Variants in TMCO5A observed in about 807,000 individuals in gnomAD.
The protein encoded by TMCO5A is transmembrane and coiled-coil domains 5A.
A neutral mutation model predicts 42.3 loss-of-function variants in TMCO5A; 34 were observed. That is an observed-to-expected ratio of 0.80 (90% CI 0.61 to 1.07). The LOEUF is 1.07. Ranked by LOEUF, TMCO5A falls within the 50% of genes least tolerant of loss-of-function variation. The pLI is 0.00. For synonymous variants in TMCO5A, 131 were observed against 115.6 expected (o/e 1.13, Z -0.86); for missense variants, 357 against 327.9 (o/e 1.09, Z -0.69).
At chr15:37,955,742 G>A (rs969051556), downstream of TMCO5A, among the ~76,000 whole-genome samples, 4 of 152,080 alleles carry the variant, frequency 2.6e-5, no homozygotes, top group African/African-American at 9.7e-5. Flanking sequence ...GGACCAAGCA[G>A]ATCTAATAGA....
At chr15:37,998,510 G>A in the TMCO5A span, among the ~76,000 whole-genome samples, 1 of 152,110 alleles carries the variant, frequency 6.6e-6, no homozygotes, top group South Asian at 2.1e-4. Flanking sequence ...GTTCACTGTA[G>A]AGGTATGGAT....
rs1011233881 is a variant in TMCO5A, at chr15:37,943,487, C to A, written c.627+89C>A. On this transcript the variant is annotated intron_variant, in intron 10 of 11. Transcript: ENST00000319669. ...AAACTATAAGGCACCAAATATATAC[C>A]CAATCTTGCCATGCGCATTTTCCAA... is the stretch of plus-strand genomic sequence containing the variant. 4 of 1,272,624 alleles carry A rather than the reference C, an allele frequency of 3.1e-6. No homozygotes were observed. In the African/African-American group the frequency reaches 6.0e-5, roughly 19 times the overall value. 78.8% of individuals were successfully genotyped at this position (1,272,624 alleles called of 1,614,324 possible).
chr15:37,946,643 C>A (rs1366247465), intron 10 of TMCO5A, among the ~76,000 whole-genome samples: 1 of 152,002 alleles, frequency 6.6e-6, no homozygotes, highest in African/African-American at 2.4e-5. Context: ...GGAGTTCATT[C>A]ATGATTTGGC....
At chr15:37,938,122 C>G in intron 5 of TMCO5A, 36 bp from the exon 6 acceptor site, 1 of 1,527,196 alleles carries the variant, frequency 6.5e-7, no homozygotes, top group African/African-American at 1.4e-5. Flanking sequence ...CCTTCTACAC[C>G]TTTTAATTTA....
chr15:37,970,221 T>C (rs1488034538), downstream of TMCO5A, among the ~76,000 whole-genome samples: 1 of 152,262 alleles, frequency 6.6e-6, no homozygotes, highest in African/African-American at 2.4e-5. Context: ...GACTTACAGT[T>C]CTGCATGGCT....
chr15:38,018,483 G>C, the TMCO5A span, among the ~76,000 whole-genome samples: 119 of 152,198 alleles, frequency 7.8e-4, no homozygotes, highest in Middle Eastern at 3.4e-3. Context: ...ATTTCAGTGG[G>C]AGGCAAAATA....
rs559938234 is a variant in TMCO5A at position 37,946,911 on chromosome 15, A to C, written c.628-745A>C. ...TATGTTGAATAGGAGTGGTGAGAGA[A>C]GTCATCCTTGTCTTGTGCCAGTTTT... On this transcript the variant is annotated intron_variant, in intron 10 of 11. Transcript: ENST00000319669. Among the ~76,000 whole-genome samples, 11 of 152,152 alleles carry C rather than the reference A, an allele frequency of 7.2e-5. No individual in the cohort carries two copies. The South Asian group carries it at 2.1e-3, about 29-fold the overall frequency.
chr15:37,961,928 G>T (rs1890437749), intron 11 of TMCO5A, among the ~76,000 whole-genome samples: 1 of 151,994 alleles, frequency 6.6e-6, no homozygotes, highest in Non-Finnish European at 1.5e-5. Context: ...TCAGTTCTAG[G>T]AGCCTTCTGG....
Position 37,965,717 on chromosome 15 carries a change from C to T in TMCO5A, c.669-908C>T, listed in dbSNP as rs536724375. Among the ~76,000 whole-genome samples the T allele has an allele frequency of 2.0e-3, 303 of 152,244 alleles. 2 individuals carry two copies. Among genetic ancestry groups the T allele is most frequent in the African/African-American group, 6.7e-3 (279 of 41,546 alleles). On this transcript the variant is annotated intron_variant, in intron 11 of 11. Coordinates refer to the TMCO5A transcript ENST00000559502. ...TCAAAACTACAATGAGATATCATCTCACCCCAGTTAAAATGGCTTTATCCA... is the reference window on the plus strand; with the variant it reads ...TCAAAACTACAATGAGATATCATCTTACCCCAGTTAAAATGGCTTTATCCA...
At chr15:37,941,904 T>C (rs1310466003) in intron 8 of TMCO5A, among the ~76,000 whole-genome samples, 174 bp downstream of exon 8, 3 of 152,108 alleles carry the variant, frequency 2.0e-5, no homozygotes, top group Non-Finnish European at 4.4e-5. Context: ...TCTATTTGTC[T>C]TTGTCTCCCT....
downstream of TMCO5A, among the ~76,000 whole-genome samples, chr15:37,954,733 A>G (rs977553603): frequency 7.9e-5 from 12 of 152,260 alleles, no homozygotes; most frequent in African/African-American, 2.9e-4. Flanking sequence ...AATAATAACT[A>G]TAACAACTTT....
the TMCO5A span, among the ~76,000 whole-genome samples, chr15:37,973,347 T>C: frequency 6.6e-6 from 1 of 152,182 alleles, no homozygotes; most frequent in African/African-American, 2.4e-5. Context: ...TGACAGTTTA[T>C]AGGAATAGCA....
the TMCO5A span, among the ~76,000 whole-genome samples, chr15:38,012,790 T>C: frequency 1.3e-5 from 2 of 152,112 alleles, no homozygotes; most frequent in Non-Finnish European, 2.9e-5. Context: ...CTAGTATCAG[T>C]CAAAGTCAGG....
At chr15:37,950,959 G>A (rs959731671) in intron 11 of TMCO5A, 77 bp from the exon 12 acceptor site, 11 of 1,243,308 alleles carry the variant, frequency 8.8e-6, no homozygotes, top group Non-Finnish European at 1.2e-5. Context: ...AGCCAGATAT[G>A]CATTCAGGTA....
chr15:37,957,411 A>G (rs1223296160), intron 11 of TMCO5A, among the ~76,000 whole-genome samples: 1 of 150,880 alleles, frequency 6.6e-6, no homozygotes, highest in Non-Finnish European at 1.5e-5. Flanking sequence ...TACAAAATCA[A>G]TGTGCAAAAA....
chr15:37,954,396 A>T (rs888809766), downstream of TMCO5A, among the ~76,000 whole-genome samples: 2 of 152,152 alleles, frequency 1.3e-5, no homozygotes. Context: ...GGAGACTGCC[A>T]TGATATATTT....
chr15:38,005,073 T>C, the TMCO5A span, among the ~76,000 whole-genome samples: 3 of 151,824 alleles, frequency 2.0e-5, no homozygotes, highest in Non-Finnish European at 4.4e-5. Flanking sequence ...TTTACAATGG[T>C]TTCCATCACC....
chr15:37,936,455 G>A lies in TMCO5A; in HGVS notation c.132G>A (p.Lys44=). ...TCAAAATCCAAGAGAGGGAAGATAA[G>A]ATTCAGAGGTGAGTATTAAGGTTTC... ...LLLKIQERED[K]IQRLESEIIQ... is the part of the protein sequence containing the mutation. Residue 44 remains lysine (K), a synonymous_variant, in exon 3 of 12, where the codon AAG becomes AAA. Transcript: ENST00000319669. The A allele has an allele frequency of 6.2e-7, 1 of 1,612,186 alleles. No individual in the cohort carries two copies. Among genetic ancestry groups the A allele is most frequent in the Non-Finnish European group, 8.5e-7 (1 of 1,179,236 alleles).
chr15:37,976,175 G>A, the TMCO5A span, among the ~76,000 whole-genome samples: 4 of 151,824 alleles, frequency 2.6e-5, no homozygotes, highest in African/African-American at 7.3e-5. Context: ...AACCTGGGAG[G>A]TGGAAGTTGC....
Sources: gnomAD v4.1 joint callset for allele counts (sites outside exome capture counted in the v4.1 genomes callset) on GRCh38, gnomAD v4.1.1 for gene constraint, MANE v1.5 for transcripts, NCBI Gene and HGNC (gene_info 2026-07-23, HGNC 2026-07-21) for gene names.